Variants in OPCML observed in about 807,000 individuals in gnomAD.
The protein encoded by OPCML is opioid binding protein/cell adhesion molecule like.
In OPCML, 13 loss-of-function variants were observed where a neutral mutation model predicts 37.8. The observed-to-expected ratio is 0.34, with a 90% confidence interval of 0.22 to 0.55. The LOEUF is 0.55. OPCML is among the 20% of genes least tolerant of loss of function. OPCML has a pLI of 0.91. For synonymous variants in OPCML, 176 were observed against 168.8 expected, an observed-to-expected ratio of 1.04 and a Z score of -0.33; for missense variants, 341 against 435.6, an observed-to-expected ratio of 0.78 and a Z score of 1.93.
chr11:132,748,438 C>G (rs1234508415), intron 2 of OPCML, among the ~76,000 whole-genome samples: 3 of 152,170 alleles, frequency 2.0e-5, no homozygotes, highest in Non-Finnish European at 4.4e-5. Context: ...AGCTTATCTT[C>G]TAGTGGGAGA....
At chr11:132,512,866 G>A (rs2096271847) in intron 4 of OPCML, among the ~76,000 whole-genome samples, 1 of 151,812 alleles carries the variant, frequency 6.6e-6, no homozygotes, top group Non-Finnish European at 1.5e-5. Context: ...AAGAAACAGG[G>A]AAGCTTTTGA....
chr11:132,533,159 T>C (rs1343027475), intron 3 of OPCML, among the ~76,000 whole-genome samples: 1 of 152,212 alleles, frequency 6.6e-6, no homozygotes, highest in Non-Finnish European at 1.5e-5. Context: ...TAGCACAGTG[T>C]GTTATCTGTG....
intron 1 of OPCML, among the ~76,000 whole-genome samples, chr11:133,046,433 C>T (rs1238405691): frequency 6.6e-6 from 1 of 152,184 alleles, no homozygotes; most frequent in Non-Finnish European, 1.5e-5. Context: ...CCTCTGCCCT[C>T]TCCATTCTTA....
intron 2 of OPCML, among the ~76,000 whole-genome samples, chr11:132,719,054 C>T (rs936239526): frequency 1.3e-5 from 2 of 152,128 alleles, no homozygotes; most frequent in African/African-American, 4.8e-5. Context: ...CCCCAAAATA[C>T]GATGCCACAG....
chr11:132,590,352 A>G (rs2096482388), intron 3 of OPCML, among the ~76,000 whole-genome samples: 1 of 150,420 alleles, frequency 6.6e-6, no homozygotes. Flanking sequence ...TGCCTCCCCC[A>G]GGACCACATC....
chr11:133,222,614 AGT>A (rs1269480509), intron 1 of OPCML, among the ~76,000 whole-genome samples: 1 of 152,236 alleles, frequency 6.6e-6, no homozygotes, highest in East Asian at 1.9e-4. Flanking sequence ...GGTTGTGGGA[AGT>A]GGCCATGGGC....
intron 1 of OPCML, among the ~76,000 whole-genome samples, chr11:133,354,318 G>GTGATGA (rs1592227185): frequency 9.1e-6 from 1 of 109,620 alleles, no homozygotes; most frequent in East Asian, 2.5e-4. Flanking sequence ...GTTGGTAGTG[G>GTGATGA]TGGTGGTGGT....
intron 2 of OPCML, among the ~76,000 whole-genome samples, chr11:132,892,844 A>G (rs1434899028): frequency 6.6e-6 from 1 of 152,222 alleles, no homozygotes; most frequent in African/African-American, 2.4e-5. Context: ...AATATAACAA[A>G]GAGCAAGAAG....
chr11:132,607,495 C>T (rs1370503181), intron 3 of OPCML, among the ~76,000 whole-genome samples: 2 of 152,170 alleles, frequency 1.3e-5, no homozygotes, highest in African/African-American at 4.8e-5. Flanking sequence ...TTGGGTCGGG[C>T]CTGTGGTTCC....
At chr11:132,655,344 G>C (rs1343241012) in intron 3 of OPCML, among the ~76,000 whole-genome samples, 1 of 152,202 alleles carries the variant, frequency 6.6e-6, no homozygotes, top group African/African-American at 2.4e-5. Flanking sequence ...GGTAGTGAGA[G>C]CTCACAGTCT....
At chr11:132,648,703 C>T (rs1941279470) in intron 3 of OPCML, among the ~76,000 whole-genome samples, 1 of 152,058 alleles carries the variant, frequency 6.6e-6, no homozygotes, top group African/African-American at 2.4e-5. Context: ...ATCATCAAAC[C>T]AGGTGCCAGG....
rs770163458 is a variant in OPCML, at chr11:132,415,767, C to T, written c.*4426G>A. On this transcript the variant is annotated 3_prime_UTR_variant, in exon 8 of 8. Coordinates refer to ENST00000524381, the MANE Select transcript of OPCML (RefSeq NM_001012393.5). ...GCACCTGAAGGCTAAATTGAACTGGCTCAGCCCTATCTTTTTTGCCACATC... is the reference window on the plus strand; with the variant it reads ...GCACCTGAAGGCTAAATTGAACTGGTTCAGCCCTATCTTTTTTGCCACATC... 1 of 152,656 alleles carries T rather than the reference C, an allele frequency of 6.6e-6. No homozygotes were observed. Among genetic ancestry groups the T allele is most frequent in the East Asian group, 1.9e-4 (1 of 5,202 alleles). 9.5% of individuals were successfully genotyped at this position (152,656 alleles called of 1,614,324 possible). A position where few individuals can be genotyped will look rare whatever the true frequency, so the allele number is the denominator to read the frequency against.
chr11:133,358,003 C>T (rs1053755091), intron 1 of OPCML, among the ~76,000 whole-genome samples: 4 of 152,156 alleles, frequency 2.6e-5, no homozygotes, highest in African/African-American at 9.7e-5. Flanking sequence ...CATAGACACT[C>T]CAGTGCGAGG....
chr11:133,291,350 G>A (rs1388611457), intron 1 of OPCML, among the ~76,000 whole-genome samples: 2 of 152,126 alleles, frequency 1.3e-5, no homozygotes, highest in African/African-American at 4.8e-5. Flanking sequence ...GTTGGCATAG[G>A]TGCTCCCCAA....
At chr11:133,060,291 G>A (rs1182305576) in intron 1 of OPCML, among the ~76,000 whole-genome samples, 1 of 151,616 alleles carries the variant, frequency 6.6e-6, no homozygotes, top group Non-Finnish European at 1.5e-5. Context: ...TACTACTGGT[G>A]TAAAGAGAGA....
At chr11:133,078,089 C>T (rs186771104) in intron 1 of OPCML, among the ~76,000 whole-genome samples, 3 of 152,220 alleles carry the variant, frequency 2.0e-5, no homozygotes, top group East Asian at 3.9e-4. Context: ...GTATTATCGG[C>T]GTACTGAAGT....
At chr11:132,896,269 A>G (rs1943838561) in intron 2 of OPCML, among the ~76,000 whole-genome samples, 1 of 152,188 alleles carries the variant, frequency 6.6e-6, no homozygotes, top group Non-Finnish European at 1.5e-5. Flanking sequence ...AGGGTCCAGA[A>G]GACAGACTTT....
At chr11:133,295,593 A>T (rs768619403) in intron 1 of OPCML, among the ~76,000 whole-genome samples, 3 of 152,220 alleles carry the variant, frequency 2.0e-5, no homozygotes. Context: ...TATTTTTTTC[A>T]AGTAAAAGCA....
At chr11:133,488,494 C>A (rs1053405923) in intron 1 of OPCML, among the ~76,000 whole-genome samples, 2 of 151,924 alleles carry the variant, frequency 1.3e-5, no homozygotes, top group African/African-American at 2.4e-5. Context: ...AAGAATGCAA[C>A]CCCATTTACA....
Sources: gnomAD v4.1 joint callset for allele counts (sites outside exome capture counted in the v4.1 genomes callset) on GRCh38, gnomAD v4.1.1 for gene constraint, MANE v1.5 for transcripts, NCBI Gene and HGNC (gene_info 2026-07-23, HGNC 2026-07-21) for gene names.